Variants in FAM177A1 observed in about 807,000 individuals in gnomAD.
FAM177A1 encodes the protein protein FAM177A1.
In FAM177A1, 22 loss-of-function variants were observed where a neutral mutation model predicts 26.1. That is an observed-to-expected ratio of 0.84 (90% confidence interval 0.60 to 1.20). The LOEUF is 1.20. Ranked by LOEUF, FAM177A1 falls within the 50% of genes most tolerant of loss-of-function variation. The pLI, the probability that FAM177A1 is intolerant of heterozygous loss-of-function variation, is 0.00. For synonymous variants in FAM177A1, 95 were observed against 99.3 expected (o/e 0.96, Z 0.26); for missense variants, 296 against 291.1 (o/e 1.02, Z -0.12).
intron 2 of FAM177A1, among the ~76,000 whole-genome samples, chr14:35,065,357 C>T (rs74043819): frequency 4.0e-3 from 370 of 91,676 alleles, no homozygotes; most frequent in Middle Eastern, 0.013. Context: ...TCCATTGAAT[C>T]TTTTTTTTTT....
chr14:35,081,425 T>C lies in FAM177A1; in HGVS notation c.*197T>C. ...ATCTGAAATTCAGATATTTGTACTG[T>C]TTTTACTGTGTATAGAAATTAGTGC... is the stretch of plus-strand genomic sequence containing the variant. On this transcript the variant is annotated 3_prime_UTR_variant, in exon 5 of 5. Coordinates refer to ENST00000280987, the MANE Select transcript of FAM177A1 (RefSeq NM_173607.5). 1 of 514,548 alleles carries C rather than the reference T, an allele frequency of 1.9e-6. No homozygotes were observed. Among genetic ancestry groups the C allele is most frequent in the Non-Finnish European group, 3.2e-6 (1 of 314,094 alleles). 31.9% of individuals were successfully genotyped at this position (514,548 alleles called of 1,614,324 possible).
At chr14:35,069,961 C>CAA (rs1287541598) in intron 2 of FAM177A1, among the ~76,000 whole-genome samples, 3 of 150,724 alleles carry the variant, frequency 2.0e-5, no homozygotes, top group Middle Eastern at 3.4e-3. Context: ...ACTAAAAATA[C>CAA]AAAAATTAGG....
Position 35,053,403 on chromosome 14 carries a change from C to T in FAM177A1, c.291C>T (p.Asp97=), listed in dbSNP as rs775879497. 11 of 1,614,020 alleles carry T rather than the reference C, an allele frequency of 6.8e-6. No homozygotes were observed. The highest frequency in any genetic ancestry group is 5.0e-5 in the Admixed American group (3 of 59,988). The stretch of plus-strand genomic sequence containing the variant: ...TGGAAGAATATAGCACAGATGAAGA[C>T]GAAGTTGATGGCCTGGAGAAGAAAG... ...ETMEEYSTDE[D]EVDGLEKKDV... Residue 97 remains aspartate (D), a synonymous_variant, in exon 2 of 5, where the codon GAC becomes GAT. Transcript: ENST00000280987.
At chr14:35,068,203 GT>G (rs2045267985) in intron 2 of FAM177A1, among the ~76,000 whole-genome samples, 2 of 152,278 alleles carry the variant, frequency 1.3e-5, no homozygotes, top group Admixed American at 6.5e-5. Flanking sequence ...CAGTAAATAG[GT>G]TTTTTATTGT....
At chr14:35,047,466 C>T (rs1042960109) in intron 1 of FAM177A1, among the ~76,000 whole-genome samples, 1 of 152,148 alleles carries the variant, frequency 6.6e-6, no homozygotes, top group Non-Finnish European at 1.5e-5. Context: ...AGAGAGTTAA[C>T]GTTTCTTGCA....
chr14:35,055,963 T>G (rs1367906217), intron 2 of FAM177A1, among the ~76,000 whole-genome samples: 2 of 152,218 alleles, frequency 1.3e-5, no homozygotes, highest in African/African-American at 4.8e-5. Context: ...TGATGGTCAG[T>G]GATGTTGAGC....
At chr14:35,080,462 C>T (rs1341026783) in intron 4 of FAM177A1, among the ~76,000 whole-genome samples, 1 of 152,174 alleles carries the variant, frequency 6.6e-6, no homozygotes, top group African/African-American at 2.4e-5. Context: ...AAAGTTAATT[C>T]AGGTCTCATC....
chr14:35,048,270 A>G (rs1232644948), intron 1 of FAM177A1, among the ~76,000 whole-genome samples: 1 of 151,956 alleles, frequency 6.6e-6, no homozygotes, highest in African/African-American at 2.4e-5. Flanking sequence ...TAAAATCACT[A>G]CCTCCGCCCT....
rs962381403 is a variant in FAM177A1, at chr14:35,046,386, C to T, written c.-78C>T. 239 of 1,312,062 alleles carry T rather than the reference C, an allele frequency of 1.8e-4. 2 individuals carry two copies. Among genetic ancestry groups the T allele is most frequent in the South Asian group, 1.8e-3 (109 of 62,256 alleles). 81.3% of individuals were successfully genotyped at this position (1,312,062 alleles called of 1,614,324 possible). On this transcript the variant is annotated 5_prime_UTR_variant, in exon 1 of 5. Coordinates refer to ENST00000280987, the MANE Select transcript of FAM177A1 (RefSeq NM_173607.5). ...TTCTCAGAGACTTGGCTAGGCGCGGCGCGAGGCGGGCGCTGGGCGGGTGAG... is the reference window on the plus strand; with the variant it reads ...TTCTCAGAGACTTGGCTAGGCGCGGTGCGAGGCGGGCGCTGGGCGGGTGAG...
intron 2 of FAM177A1, among the ~76,000 whole-genome samples, chr14:35,069,042 G>A (rs2045279408): frequency 6.6e-6 from 1 of 152,072 alleles, no homozygotes; most frequent in African/African-American, 2.4e-5. Flanking sequence ...CGTTTTTTAG[G>A]GGACACATTT....
rs1342690656 is a variant in FAM177A1, at chr14:35,046,451, G to A, written c.-13G>A. ...AGCCTGGCTCGGCCAGCGACTGGGC[G>A]GGGAGACCAAGGATGGAAGTGGGCT... is the stretch of plus-strand genomic sequence containing the variant. On this transcript the variant is annotated 5_prime_UTR_variant, in exon 1 of 5. Coordinates refer to ENST00000280987, the MANE Select transcript of FAM177A1 (RefSeq NM_173607.5). 3 of 1,546,086 alleles carry A rather than the reference G, an allele frequency of 1.9e-6. No individual in the cohort carries two copies. The highest frequency in any genetic ancestry group is 2.5e-5 in the East Asian group (1 of 39,960).
Position 35,053,286 on chromosome 14 carries a change from C to G in FAM177A1, c.174C>G (p.Asn58Lys), listed in dbSNP as rs113488536. ...AFGESAGQMS[N>K]ERGFENVELG... is the part of the protein sequence containing the mutation. ...AAATATCGTTGATATAGATGAGTAA[C>G]GAAAGAGGCTTTGAAAATGTAGAAC... The change falls in exon 2 of 5, where the codon AAC becomes AAG. Residue 58 changes from asparagine (N) to lysine (K), a missense_variant. By Grantham distance (94) the Asn-to-Lys change is moderately conservative. Transcript: ENST00000280987. The G allele has an allele frequency of 3.1e-6, 5 of 1,609,404 alleles. No homozygotes were observed. Among genetic ancestry groups the G allele is most frequent in the African/African-American group, 1.3e-5 (1 of 74,504 alleles).
intron 2 of FAM177A1, among the ~76,000 whole-genome samples, chr14:35,065,405 G>T: frequency 1.6e-5 from 2 of 125,940 alleles, no homozygotes; most frequent in Non-Finnish European, 1.6e-5. Flanking sequence ...TTTCTGTTCA[G>T]AAAAAATTTT....
chr14:35,046,634 T>TGGGGCCGCCGAGGCTGACGTCCGG lies in FAM177A1; in HGVS notation c.165+9_165+32dup, dbSNP rs1566664479. 9 of 1,528,360 alleles carry TGGGGCCGCCGAGGCTGACGTCCGG rather than the reference T, an allele frequency of 5.9e-6. No individual in the cohort carries two copies. Among genetic ancestry groups the TGGGGCCGCCGAGGCTGACGTCCGG allele is most frequent in the Non-Finnish European group, 7.9e-6 (9 of 1,134,810 alleles). 94.7% of individuals were successfully genotyped at this position (1,528,360 alleles called of 1,614,324 possible). On this transcript the variant is annotated splice_region_variant and intron_variant, in intron 1 of 4. Coordinates refer to ENST00000280987, the MANE Select transcript of FAM177A1 (RefSeq NM_173607.5). ...TCGGGGAATCTGCAGGGCAGGTAGG[T>TGGGGCCGCCGAGGCTGACGTCCGG]GGGGCCGCCGAGGCTGACGTCCGGG...
At chr14:35,079,774 A>G (rs960232945) in intron 4 of FAM177A1, among the ~76,000 whole-genome samples, 7 of 152,112 alleles carry the variant, frequency 4.6e-5, no homozygotes, top group South Asian at 2.1e-4. Flanking sequence ...CTATTCTTCA[A>G]GCAAATAGAG....
chr14:35,046,806 C>A (rs895364592), intron 1 of FAM177A1, 178 bp downstream of exon 1: 101 of 1,378,108 alleles, frequency 7.3e-5, no homozygotes, highest in Non-Finnish European at 9.3e-5. Flanking sequence ...AGGAGCGCCC[C>A]CCGCCTCACT....
chr14:35,062,217 A>G (rs921121689), intron 2 of FAM177A1, among the ~76,000 whole-genome samples: 1 of 152,184 alleles, frequency 6.6e-6, no homozygotes, highest in Non-Finnish European at 1.5e-5. Context: ...ATATGCCATT[A>G]AGACCATTTC....
chr14:35,065,697 T>TG (rs1012273285), intron 2 of FAM177A1, among the ~76,000 whole-genome samples: 2 of 6,136 alleles, frequency 3.3e-4, no homozygotes, highest in Non-Finnish European at 6.1e-4. Flanking sequence ...TAAGAAGCAA[T>TG]TTTTTTTTTT....
chr14:35,056,292 C>G (rs1448208632), intron 2 of FAM177A1, among the ~76,000 whole-genome samples: 1 of 152,168 alleles, frequency 6.6e-6, no homozygotes, highest in Non-Finnish European at 1.5e-5. Flanking sequence ...ACCTCAGCTT[C>G]TCAAAGTGCT....
Sources: allele counts gnomAD v4.1 joint callset (sites outside exome capture counted in the v4.1 genomes callset), GRCh38; gene constraint gnomAD v4.1.1; transcripts MANE v1.5; gene names NCBI Gene and HGNC (gene_info 2026-07-23, HGNC 2026-07-21).